Variants in RAD18 observed in about 807,000 individuals in gnomAD.
RAD18 encodes RAD18 E3 ubiquitin protein ligase, also known as E3 ubiquitin-protein ligase RAD18.
In RAD18, 47 loss-of-function variants were observed where a neutral mutation model predicts 60.4. The observed-to-expected ratio is 0.78, with a 90% CI of 0.62 to 0.99. RAD18 has a LOEUF of 0.99. Ranked by LOEUF, RAD18 falls within the 50% of genes least tolerant of loss-of-function variation. The probability of loss-of-function intolerance (pLI) is 0.00; values close to 1 mark genes in which losing one functional copy is unlikely to be tolerated. For missense variants in RAD18, 640 were observed against 593.3 expected (o/e 1.08, Z -0.82); for synonymous variants, 225 against 195.5 (o/e 1.15, Z -1.26).
intron 4 of RAD18, among the ~76,000 whole-genome samples, chr3:8,946,194 C>T (rs1940836613): frequency 6.6e-6 from 1 of 152,182 alleles, no homozygotes; most frequent in South Asian, 2.1e-4. Context: ...CATATTTTCC[C>T]TGTACTTTTT....
At chr3:8,920,839 A>G (rs1940306082) in intron 7 of RAD18, among the ~76,000 whole-genome samples, 1 of 152,248 alleles carries the variant, frequency 6.6e-6, no homozygotes, top group Admixed American at 6.5e-5. Flanking sequence ...AAAAGATATT[A>G]CCACGAAATG....
intron 4 of RAD18, among the ~76,000 whole-genome samples, chr3:8,946,133 C>A (rs1482696345): frequency 2.0e-5 from 3 of 152,202 alleles, no homozygotes; most frequent in Non-Finnish European, 4.4e-5. Flanking sequence ...CCTGAAAGCT[C>A]CATTCATAGT....
intron 11 of RAD18, among the ~76,000 whole-genome samples, chr3:8,896,668 G>T (rs1191281674): frequency 1.3e-5 from 2 of 152,116 alleles, no homozygotes; most frequent in African/African-American, 2.4e-5. Flanking sequence ...TATAATAAAA[G>T]CTAAGCTTCC....
chr3:8,902,642 A>T lies in RAD18; in HGVS notation c.1028-122T>A, dbSNP rs915944115. 4 of 989,176 alleles carry T rather than the reference A, an allele frequency of 4.0e-6. No individual in the cohort carries two copies. The Admixed American group carries it at 1.2e-4, about 31-fold the overall frequency. The allele number at this position is 989,176 out of a possible 1,614,324, so 61.3% of individuals were successfully genotyped here. On this transcript the variant is annotated intron_variant, in intron 9 of 12. Coordinates refer to ENST00000264926, the MANE Select transcript of RAD18 (RefSeq NM_020165.4). ...CATGGTGGCTTACGCCTGTAATCCC[A>T]GCACTTCAGGAGCCTGAAGTGAATG...
chr3:8,888,659 T>C (rs1939625689), intron 12 of RAD18, among the ~76,000 whole-genome samples: 1 of 152,240 alleles, frequency 6.6e-6, no homozygotes, highest in Admixed American at 6.5e-5. Flanking sequence ...TATATTCTGC[T>C]GAAATCAGGA....
chr3:8,919,569 T>C (rs1331758483), intron 7 of RAD18, among the ~76,000 whole-genome samples: 2 of 152,242 alleles, frequency 1.3e-5, no homozygotes, highest in East Asian at 1.9e-4. Flanking sequence ...TGTATATATA[T>C]GCATACATGC....
At chr3:8,948,477 G>GT (rs774427650) in intron 3 of RAD18, 32 bp downstream of exon 3, 1 of 1,568,738 alleles carries the variant, frequency 6.4e-7, no homozygotes, top group African/African-American at 1.4e-5. Context: ...GCAGCAGTCA[G>GT]TAAGTTTTAA....
At chr3:8,950,445 A>G (rs1041489782) in intron 2 of RAD18, among the ~76,000 whole-genome samples, 1 of 152,062 alleles carries the variant, frequency 6.6e-6, no homozygotes, top group African/African-American at 2.4e-5. Flanking sequence ...GAAATACACA[A>G]CTCTAGCCCT....
At chr3:8,912,777 T>TTATAGAAAAGTAGTATG (rs1940125463) in intron 8 of RAD18, among the ~76,000 whole-genome samples, 10 of 152,146 alleles carry the variant, frequency 6.6e-5, no homozygotes, top group Non-Finnish European at 1.5e-5. Flanking sequence ...CTCCAGGTCA[T>TTATAGAAAAGTAGTATG]TATAGAAAAG....
intron 7 of RAD18, among the ~76,000 whole-genome samples, chr3:8,929,834 G>C (rs1318013735): frequency 6.6e-6 from 1 of 152,148 alleles, no homozygotes; most frequent in Non-Finnish European, 1.5e-5. Context: ...GTAGAGACGG[G>C]GTTTCACCCT....
At chr3:8,949,206 C>T (rs1297263143) in intron 2 of RAD18, among the ~76,000 whole-genome samples, 1 of 152,230 alleles carries the variant, frequency 6.6e-6, no homozygotes, top group Non-Finnish European at 1.5e-5. Context: ...AATGTTCTCC[C>T]AGTCAAAGAC....
intron 11 of RAD18, among the ~76,000 whole-genome samples, chr3:8,893,265 A>G (rs1217588659): frequency 1.3e-5 from 2 of 152,190 alleles, no homozygotes; most frequent in Non-Finnish European, 2.9e-5. Flanking sequence ...TGCTATAAAA[A>G]TCCTGAGGAT....
chr3:8,936,029 G>A lies in RAD18; in HGVS notation c.731C>T (p.Pro244Leu). 6.3e-7 allele frequency: 1 copy of A among 1,596,352 alleles called. No individual in the cohort carries two copies. Among genetic ancestry groups the A allele is most frequent in the East Asian group, 2.2e-5 (1 of 44,460 alleles). ...RSSVHKRKPL[P>L]KTVYNLLSDR... ...AGAGAGCAAATTATATACAGTTTTG[G>A]GCAGCGGCTTCCTTTTGTGAACAGA... The change falls in exon 7 of 13, where the codon CCC becomes CTC. Residue 244 changes from proline to leucine, a missense_variant. Physicochemically the swap from Pro to Leu is moderately conservative, Grantham distance 98 (BLOSUM62 -3). Transcript: ENST00000264926.
In RAD18 at chr3:8,902,434, C is replaced by T. The variant is rs1198333595; in HGVS notation, c.1114G>A (p.Val372Ile). Residue 372 changes from valine (V) to isoleucine (I), a missense_variant, in exon 10 of 13, where the codon GTA becomes ATA. Physicochemically the swap from Val to Ile is conservative, Grantham distance 29 (BLOSUM62 3). Coordinates refer to ENST00000264926, the MANE Select transcript of RAD18 (RefSeq NM_020165.4). The part of the protein sequence containing the change: ...KKIAGMSQKT[V>I]TITKEDESTE... ...GATTCATCTTCTTTTGTTATTGTTA[C>T]TGTTTTTTGTGACATTCCAGCAATT... 6.2e-7 allele frequency: 1 copy of T among 1,610,280 alleles called. No individual in the cohort carries two copies. Among genetic ancestry groups the T allele is most frequent in the East Asian group, 2.2e-5 (1 of 44,666 alleles).
intron 7 of RAD18, among the ~76,000 whole-genome samples, chr3:8,935,365 G>A (rs560108637): frequency 7.9e-5 from 12 of 152,290 alleles, no homozygotes; most frequent in African/African-American, 2.6e-4. Flanking sequence ...ATATGTTTGT[G>A]TACAATAATC....
intron 5 of RAD18, 29 bp downstream of exon 5, chr3:8,941,438 T>G (rs371410115): frequency 1.5e-4 from 226 of 1,504,004 alleles, no homozygotes; most frequent in Non-Finnish European, 1.9e-4. Context: ...AAGATGTCCA[T>G]ATTTCCACAT....
At position 8,939,637 on chromosome 3, in the gene RAD18, G is replaced by A. The variant is rs750295836; in HGVS notation, c.621C>T (p.Cys207=). Residue 207 remains cysteine, a synonymous_variant, in exon 6 of 13, where the codon TGC becomes TGT. Transcript: ENST00000264926. ...KQVTKVDCPV[C]GVNIPESHIN... is the part of the protein sequence containing the mutation. ...TGTGACTTTCTGGAATGTTAACCCC[G>A]CAAACAGGACAATCCACTGTATTTT... 3.8e-5 allele frequency: 62 copies of A among 1,611,332 alleles called. 1 individual carries two copies. Among genetic ancestry groups the A allele is most frequent in the Middle Eastern group, 1.6e-4 (1 of 6,074 alleles).
At chr3:8,924,380 C>A (rs561810975) in intron 7 of RAD18, among the ~76,000 whole-genome samples, 1 of 146,396 alleles carries the variant, frequency 6.8e-6, no homozygotes, top group African/African-American at 2.5e-5. Context: ...AATATATATG[C>A]ACCCAATACA....
Position 8,902,522 on chromosome 3 carries a change from T to A in RAD18, c.1028-2A>T, listed in dbSNP as rs1939931472. On this transcript the variant is annotated splice_acceptor_variant, in intron 9 of 12. Coordinates refer to ENST00000264926, the MANE Select transcript of RAD18 (RefSeq NM_020165.4). LOFTEE classifies it high-confidence loss of function. The stretch of plus-strand genomic sequence containing the variant: ...GAAATTCACTCTTATGTTTTTTACC[T>A]GAAATTCAAAAGATCTTCTCAGTAA... 6.3e-7 allele frequency: 1 copy of A among 1,594,994 alleles called. No individual in the cohort carries two copies.
Sources: allele counts gnomAD v4.1 joint callset (sites outside exome capture counted in the v4.1 genomes callset), GRCh38; gene constraint gnomAD v4.1.1; transcripts MANE v1.5; gene names NCBI Gene and HGNC (gene_info 2026-07-23, HGNC 2026-07-21).